The following SNTB1 variants were observed in gnomAD, a reference collection of about 807,000 sequenced individuals.
SNTB1 encodes beta-1-syntrophin.
A neutral mutation model predicts 48.9 loss-of-function variants in SNTB1; 36 were observed. That is an observed-to-expected ratio of 0.74 (90% CI 0.56 to 0.97). SNTB1 has a LOEUF of 0.97. SNTB1 is among the 50% of genes least tolerant of loss of function. The pLI is 0.00. For missense variants in SNTB1, 786 were observed against 703.4 expected, an observed-to-expected ratio of 1.12 and a Z score of -1.33; for synonymous variants, 299 against 294.6, an observed-to-expected ratio of 1.01 and a Z score of -0.15.
intron 1 of SNTB1, among the ~76,000 whole-genome samples, chr8:120,799,839 CAGTA>C (rs1271502216): frequency 1.3e-5 from 2 of 151,972 alleles, no homozygotes; most frequent in Non-Finnish European, 2.9e-5. Context: ...GCCCAAACAA[CAGTA>C]AGTATTTATG....
intron 2 of SNTB1, among the ~76,000 whole-genome samples, chr8:120,659,862 G>A (rs552676675): frequency 2.0e-5 from 3 of 152,214 alleles, no homozygotes; most frequent in Non-Finnish European, 4.4e-5. Flanking sequence ...TTCTATGTTG[G>A]CAGACATGAA....
chr8:120,640,688 T>C (rs546266681), intron 2 of SNTB1, among the ~76,000 whole-genome samples: 155 of 152,320 alleles, frequency 1.0e-3, no homozygotes, highest in African/African-American at 3.7e-3. Flanking sequence ...CATTTATTGA[T>C]TTGCGTATGT....
rs139619986 is a variant in SNTB1 at position 120,601,449 on chromosome 8, G to A, written c.997-26224C>T. Among the ~76,000 whole-genome samples the A allele has an allele frequency of 4.9e-3, 753 of 152,192 alleles. 6 individuals carry two copies. The highest frequency in any genetic ancestry group is 0.017 in the African/African-American group (703 of 41,520). On this transcript the variant is annotated intron_variant, in intron 3 of 6. Coordinates refer to ENST00000517992, the MANE Select transcript of SNTB1 (RefSeq NM_021021.4). ...AATACCCCATGGACATCCTTACCCC[G>A]TACCTGAGCCTAACCCCATCTCTAA...
At chr8:120,717,768 C>A (rs1394402684) in intron 1 of SNTB1, among the ~76,000 whole-genome samples, 2 of 152,098 alleles carry the variant, frequency 1.3e-5, no homozygotes, top group Non-Finnish European at 2.9e-5. Context: ...AGAAACAGGG[C>A]CAGGGTCAGA....
chr8:120,627,038 CA>C (rs1416120716), intron 3 of SNTB1, among the ~76,000 whole-genome samples: 1 of 152,140 alleles, frequency 6.6e-6, no homozygotes, highest in Non-Finnish European at 1.5e-5. Flanking sequence ...CACTGGGAGA[CA>C]GGGAGGAAAG....
chr8:120,654,558 A>T lies in SNTB1; in HGVS notation c.789-21907T>A, dbSNP rs1359655465. 3.9e-5 allele frequency among the ~76,000 whole-genome samples: 6 copies of T among 152,270 alleles called. No homozygotes were observed. In the East Asian group the frequency reaches 1.2e-3, roughly 29 times the overall value. ...AATACTGCCTATGGAACTATTTCTG[A>T]TAACAGCCCATCCCAACCCCAAGGA... is the stretch of plus-strand genomic sequence containing the variant. On this transcript the variant is annotated intron_variant, in intron 2 of 6. Coordinates refer to ENST00000517992, the MANE Select transcript of SNTB1 (RefSeq NM_021021.4).
chr8:120,615,324 A>C (rs1262062527), intron 3 of SNTB1, among the ~76,000 whole-genome samples: 1 of 152,150 alleles, frequency 6.6e-6, no homozygotes, highest in Non-Finnish European at 1.5e-5. Context: ...AATCAACATG[A>C]CGGATCCAAC....
At chr8:120,555,805 T>A (rs1380079889) in intron 4 of SNTB1, among the ~76,000 whole-genome samples, 5 of 152,036 alleles carry the variant, frequency 3.3e-5, no homozygotes, top group Non-Finnish European at 5.9e-5. Context: ...AACGGAACCG[T>A]GTTCTTATAA....
intron 1 of SNTB1, chr8:120,769,097 A>G (rs940952218): frequency 6.6e-6 from 1 of 152,222 alleles, no homozygotes; most frequent in African/African-American, 2.4e-5. Context: ...CAGACAAGGC[A>G]TCTGACGGTG....
At chr8:120,574,644 A>G (rs1374868041) in intron 4 of SNTB1, among the ~76,000 whole-genome samples, 1 of 152,212 alleles carries the variant, frequency 6.6e-6, no homozygotes, top group African/African-American at 2.4e-5. Flanking sequence ...GAACTGAGAA[A>G]TAACTTGTTA....
At chr8:120,665,513 A>G (rs1459362140) in intron 2 of SNTB1, among the ~76,000 whole-genome samples, 3 of 152,196 alleles carry the variant, frequency 2.0e-5, no homozygotes, top group Non-Finnish European at 4.4e-5. Flanking sequence ...ATACACACTT[A>G]GCAAATATGT....
At chr8:120,589,654 A>C (rs541002567) in intron 3 of SNTB1, among the ~76,000 whole-genome samples, 1 of 152,074 alleles carries the variant, frequency 6.6e-6, no homozygotes, top group Non-Finnish European at 1.5e-5. Context: ...CTATATTCTC[A>C]TTGTATCCTC....
At chr8:120,750,425 G>T (rs1294653188) in intron 1 of SNTB1, among the ~76,000 whole-genome samples, 1 of 152,066 alleles carries the variant, frequency 6.6e-6, no homozygotes, top group Non-Finnish European at 1.5e-5. Context: ...TTGTTGAACT[G>T]GTTTCTCTAG....
chr8:120,598,109 C>T (rs890122840), intron 3 of SNTB1, among the ~76,000 whole-genome samples: 4 of 152,024 alleles, frequency 2.6e-5, no homozygotes, highest in Admixed American at 2.0e-4. Context: ...CCAGAGCCAT[C>T]CAGCCTGAAG....
chr8:120,714,516 T>G (rs1043974142), intron 1 of SNTB1, among the ~76,000 whole-genome samples: 3 of 152,034 alleles, frequency 2.0e-5, no homozygotes, highest in Non-Finnish European at 4.4e-5. Flanking sequence ...CATTCTTCAT[T>G]AGAAGCAGGA....
chr8:120,556,046 A>T (rs945041067), intron 4 of SNTB1, among the ~76,000 whole-genome samples: 1 of 152,138 alleles, frequency 6.6e-6, no homozygotes, highest in Non-Finnish European at 1.5e-5. Context: ...CCCCTCTAGT[A>T]GACTAATAAG....
chr8:120,749,310 C>T (rs969741502), intron 1 of SNTB1, among the ~76,000 whole-genome samples: 5 of 152,162 alleles, frequency 3.3e-5, no homozygotes, highest in Non-Finnish European at 7.4e-5. Context: ...AAAGCATTCT[C>T]TTTCTTCTGT....
chr8:120,548,841 G>A lies in SNTB1; in HGVS notation c.1254C>T (p.Ser418=). The change falls in exon 5 of 7, where the codon AGC becomes AGT. Residue 418 remains serine (S), a synonymous_variant. Coordinates refer to ENST00000517992, the MANE Select transcript of SNTB1 (RefSeq NM_021021.4). ...TCCTTGTCCAGTGGGAGAGGTCCCT[G>A]CTGGTCTCTGCTCTGAAGAGATGTG... ...IETHLFRAET[S]RDLSHWTRSI... 1 of 1,614,062 alleles carries A rather than the reference G, an allele frequency of 6.2e-7. No individual in the cohort carries two copies. Among genetic ancestry groups the A allele is most frequent in the Non-Finnish European group, 8.5e-7 (1 of 1,179,982 alleles).
intron 2 of SNTB1, among the ~76,000 whole-genome samples, chr8:120,683,612 A>G (rs933437349): frequency 6.6e-6 from 1 of 152,126 alleles, no homozygotes; most frequent in Non-Finnish European, 1.5e-5. Flanking sequence ...GAATTTGACA[A>G]ATAAAAGATA....
Sources: gnomAD v4.1 joint callset for allele counts (sites outside exome capture counted in the v4.1 genomes callset) on GRCh38, gnomAD v4.1.1 for gene constraint, MANE v1.5 for transcripts, NCBI Gene and HGNC (gene_info 2026-07-23, HGNC 2026-07-21) for gene names.